SCAPER: variants seen among roughly 807,000 people sequenced by gnomAD.
SCAPER encodes S phase cyclin A-associated protein in the endoplasmic reticulum.
In SCAPER, 98 loss-of-function variants were observed where a neutral mutation model predicts 182.2. The ratio of observed to expected loss-of-function variants is 0.54; its 90% CI spans 0.46 to 0.64. The LOEUF (loss-of-function observed/expected upper bound fraction) is 0.64. SCAPER is among the 30% of genes least tolerant of loss of function. The pLI, the probability that SCAPER is intolerant of heterozygous loss-of-function variation, is 0.00. For missense variants in SCAPER, 1,432 were observed against 1,690.0 expected, an observed-to-expected ratio of 0.85 and a Z score of 2.68; for synonymous variants, 605 against 564.6, an observed-to-expected ratio of 1.07 and a Z score of -1.01.
chr15:76,485,665 T>C (rs1341969430), intron 24 of SCAPER, among the ~76,000 whole-genome samples: 1 of 152,190 alleles, frequency 6.6e-6, no homozygotes, highest in Non-Finnish European at 1.5e-5. Flanking sequence ...CAAAGCAGCA[T>C]GGTGCTGGTA....
At chr15:76,353,426 C>T (rs2040733398) in intron 30 of SCAPER, among the ~76,000 whole-genome samples, 2 of 152,112 alleles carry the variant, frequency 1.3e-5, no homozygotes, top group African/African-American at 4.8e-5. Context: ...TTTGCTATGG[C>T]ACTAATTCTG....
chr15:76,747,280 G>T (rs1273428490), intron 15 of SCAPER, among the ~76,000 whole-genome samples: 1 of 152,178 alleles, frequency 6.6e-6, no homozygotes, highest in East Asian at 1.9e-4. Flanking sequence ...AAGGTGGGCA[G>T]ATCACAAGGT....
intron 1 of SCAPER, among the ~76,000 whole-genome samples, chr15:76,904,960 C>G (rs1168550490): frequency 6.6e-6 from 1 of 152,238 alleles, no homozygotes; most frequent in African/African-American, 2.4e-5. Context: ...GGTGACGCGG[C>G]AGCCCCCCAC....
intron 23 of SCAPER, among the ~76,000 whole-genome samples, chr15:76,554,788 C>CCT (rs397950459): frequency 0.017 from 1,243 of 71,134 alleles, 43 homozygotes; most frequent in Admixed American, 0.099. Flanking sequence ...ATTCAGCATT[C>CCT]TTTTTTTTTT....
rs148552318 is a variant in SCAPER, at chr15:76,739,072, T to C, written c.1867-5688A>G. Reference sequence around the variant, plus strand: ...AATAACTATTGCACAGTATCTACATTGTATTAGGTATAAGTAATCTAGAGG... The same window carrying C: ...AATAACTATTGCACAGTATCTACATCGTATTAGGTATAAGTAATCTAGAGG... On this transcript the variant is annotated intron_variant, in intron 15 of 31. Coordinates refer to ENST00000563290, the MANE Select transcript of SCAPER (RefSeq NM_020843.4). Among the ~76,000 whole-genome samples the C allele has an allele frequency of 2.0e-3, 302 of 152,320 alleles. 1 individual carries two copies. The highest frequency in any genetic ancestry group is 7.1e-3 in the African/African-American group (294 of 41,572).
At position 76,348,541 on chromosome 15, in the gene SCAPER, G is replaced by C. The variant is rs1445907253; in HGVS notation, c.*92C>G. The C allele has an allele frequency of 1.2e-6, 1 of 849,624 alleles. No individual in the cohort carries two copies. Among genetic ancestry groups the C allele is most frequent in the Non-Finnish European group, 1.8e-6 (1 of 548,484 alleles). The allele number at this position is 849,624 out of a possible 1,614,324, so 52.6% of individuals were successfully genotyped here. On this transcript the variant is annotated 3_prime_UTR_variant, in exon 32 of 32. Transcript: ENST00000563290. The stretch of plus-strand genomic sequence containing the variant: ...ACAGTGTGGGAAGAGTATAAACATG[G>C]GAAAATGAGTTCTTAAGGAACAATT...
intron 2 of SCAPER, among the ~76,000 whole-genome samples, chr15:76,870,519 A>G (rs2072638139): frequency 6.6e-6 from 1 of 152,106 alleles, no homozygotes; most frequent in Non-Finnish European, 1.5e-5. Context: ...ACTCTAATTA[A>G]TATGAACTGA....
At position 76,555,200 on chromosome 15, in the gene SCAPER, T is replaced by C. The variant is rs550064153; in HGVS notation, c.2838+18958A>G. ...TATAAGCAAATTCTAAGGGAATTCA[T>C]TACCAGCAGAACTCCTCTACGAAAG... On this transcript the variant is annotated intron_variant, in intron 23 of 31. Coordinates refer to ENST00000563290, the MANE Select transcript of SCAPER (RefSeq NM_020843.4). Among the ~76,000 whole-genome samples the C allele has an allele frequency of 9.2e-5, 14 of 152,282 alleles. No homozygotes were observed. The South Asian group carries it at 2.9e-3, about 32-fold the overall frequency.
In SCAPER at chr15:76,353,956, A is replaced by G; in HGVS notation, c.4040T>C (p.Phe1347Ser). ...QEMSCVLLAT[F>S]IQDLAQTPGQ... ...GTATAATGTAGAAGGTACCTGAATG[A>G]AAGTGGCCAGTAAAACACAGCTCAT... The change falls in exon 30 of 32, where the codon TTC (phenylalanine) becomes TCC (serine). Residue 1347 changes from phenylalanine to serine, a missense_variant. Phe to Ser is a radical substitution (Grantham distance 155). This residue lies in a region of SCAPER where 718 missense variants were observed against 799.7 expected (regional missense o/e 0.90). Coordinates refer to ENST00000563290, the MANE Select transcript of SCAPER (RefSeq NM_020843.4). The G allele has an allele frequency of 6.4e-7, 1 of 1,569,642 alleles. No homozygotes were observed. Among genetic ancestry groups the G allele is most frequent in the Non-Finnish European group, 8.6e-7 (1 of 1,163,686 alleles).
intron 26 of SCAPER, among the ~76,000 whole-genome samples, chr15:76,414,637 A>C (rs531816810): frequency 6.6e-6 from 1 of 152,184 alleles, no homozygotes; most frequent in African/African-American, 2.4e-5. Context: ...ATTAATATTA[A>C]ACAAACTAGA....
At chr15:76,835,885 T>G (rs1782158254) in intron 5 of SCAPER, among the ~76,000 whole-genome samples, 1 of 148,068 alleles carries the variant, frequency 6.8e-6, no homozygotes, top group Non-Finnish European at 1.5e-5. Flanking sequence ...ACCAGTAACG[T>G]TCAACCTGAG....
rs552648489 is a variant in SCAPER at position 76,487,204 on chromosome 15, G to C, written c.2955-15869C>G. 1.2e-4 allele frequency among the ~76,000 whole-genome samples: 18 copies of C among 152,190 alleles called. 1 individual carries two copies. In the East Asian group the frequency reaches 3.3e-3, roughly 28 times the overall value. On this transcript the variant is annotated intron_variant, in intron 24 of 31. Coordinates refer to ENST00000563290, the MANE Select transcript of SCAPER (RefSeq NM_020843.4). Reference sequence around the variant, plus strand: ...TTGGAGTGTGGAGGTTGGGAGGAAGGAGAGGATCAGGAAAAAAAACTAATG... The same window carrying C: ...TTGGAGTGTGGAGGTTGGGAGGAAGCAGAGGATCAGGAAAAAAAACTAATG...
chr15:76,791,046 G>T (rs751889349), intron 8 of SCAPER, among the ~76,000 whole-genome samples: 5 of 152,016 alleles, frequency 3.3e-5, no homozygotes, highest in Admixed American at 3.3e-4. Flanking sequence ...TCTCTGACTC[G>T]ATGAGTTATC....
chr15:76,515,615 G>A (rs1429834768), intron 23 of SCAPER, among the ~76,000 whole-genome samples: 1 of 152,194 alleles, frequency 6.6e-6, no homozygotes, highest in Non-Finnish European at 1.5e-5. Flanking sequence ...GCTTTTCTCA[G>A]AGGTGGCAAT....
intron 23 of SCAPER, among the ~76,000 whole-genome samples, chr15:76,557,927 G>GT (rs1374508565): frequency 6.6e-6 from 1 of 152,194 alleles, no homozygotes; most frequent in Non-Finnish European, 1.5e-5. Context: ...AAACGGTGCT[G>GT]TGACAACTGG....
chr15:76,581,280 TGGA>T (rs1163626923), intron 22 of SCAPER, among the ~76,000 whole-genome samples: 2 of 152,128 alleles, frequency 1.3e-5, no homozygotes, highest in Non-Finnish European at 2.9e-5. Context: ...TTCTAAAAAG[TGGA>T]GGAGAAGGGA....
At chr15:76,616,641 C>T (rs563920486) in intron 22 of SCAPER, among the ~76,000 whole-genome samples, 2 of 152,032 alleles carry the variant, frequency 1.3e-5, no homozygotes, top group East Asian at 3.9e-4. Context: ...ATTTCATCAC[C>T]ATTTTAAAAA....
intron 10 of SCAPER, among the ~76,000 whole-genome samples, chr15:76,770,834 A>G (rs1160999774): frequency 6.6e-6 from 1 of 152,178 alleles, no homozygotes; most frequent in Non-Finnish European, 1.5e-5. Context: ...AGAAATGTTC[A>G]TTACTAAAAG....
At chr15:76,846,931 A>G (rs2070145700) in intron 4 of SCAPER, among the ~76,000 whole-genome samples, 1 of 152,188 alleles carries the variant, frequency 6.6e-6, no homozygotes, top group Non-Finnish European at 1.5e-5. Context: ...TGTTCAAAAC[A>G]GCCAAGATTT....
Sources: gnomAD v4.1 joint callset for allele counts (sites outside exome capture counted in the v4.1 genomes callset) on GRCh38, gnomAD v4.1.1 for gene constraint, gnomAD v4.1.1 regional missense constraint, MANE v1.5 for transcripts, NCBI Gene and HGNC (gene_info 2026-07-23, HGNC 2026-07-21) for gene names.